The following KATNAL1 variants were observed in gnomAD, a reference collection of about 807,000 sequenced individuals.
KATNAL1 encodes katanin catalytic subunit A1 like 1, also known as katanin p60 ATPase-containing subunit A-like 1.
A neutral mutation model predicts 55.2 loss-of-function variants in KATNAL1; 32 were observed. The observed-to-expected ratio is 0.58, with a 90% CI of 0.44 to 0.78. KATNAL1 has a LOEUF of 0.78. Among genes scored for constraint, KATNAL1 ranks in the 30% least tolerant of loss-of-function variants. The probability of loss-of-function intolerance (pLI) is 0.00; values close to 1 mark genes in which losing one functional copy is unlikely to be tolerated. For synonymous variants in KATNAL1, 193 were observed against 193.6 expected (o/e 1.00, Z 0.02); for missense variants, 466 against 600.9 (o/e 0.78, Z 2.35).
At chr13:30,250,864 C>A (rs148520013) in intron 4 of KATNAL1, among the ~76,000 whole-genome samples, 1 of 152,198 alleles carries the variant, frequency 6.6e-6, no homozygotes, top group African/African-American at 2.4e-5. Flanking sequence ...CTTGGCTGGG[C>A]GCAGTGGTTC....
intron 3 of KATNAL1, among the ~76,000 whole-genome samples, chr13:30,256,905 T>C (rs577154049): frequency 6.6e-6 from 1 of 152,306 alleles, no homozygotes; most frequent in Non-Finnish European, 1.5e-5. Context: ...AGGTGGTATA[T>C]GGCCTCTACC....
chr13:30,280,130 CAG>C lies in KATNAL1; in HGVS notation c.254_255del (p.Pro85ArgfsTer6), dbSNP rs751037510. ...SFKIDKPPDF[P>X]VSCQDEPFRD... ...CTAAATGGTTCATCTTGACAGGACACAGGGAAATCTGGAGGCTTGTCAATTTT... is the reference window on the plus strand; with the variant it reads ...CTAAATGGTTCATCTTGACAGGACACGGAAATCTGGAGGCTTGTCAATTTT... On this transcript the variant is annotated frameshift_variant, in exon 3 of 11. Coordinates refer to ENST00000380615, the MANE Select transcript of KATNAL1 (RefSeq NM_032116.5). LOFTEE classifies it high-confidence loss of function. 6.2e-7 allele frequency: 1 copy of C among 1,613,422 alleles called. No homozygotes were observed. The highest frequency in any genetic ancestry group is 8.5e-7 in the Non-Finnish European group (1 of 1,179,742).
chr13:30,263,139 T>C (rs1234524465), intron 3 of KATNAL1, among the ~76,000 whole-genome samples: 2 of 152,108 alleles, frequency 1.3e-5, no homozygotes, highest in Admixed American at 1.3e-4. Context: ...TCTCAATAGA[T>C]GCAGAAAAGG....
chr13:30,292,437 C>A (rs554369753), intron 1 of KATNAL1, among the ~76,000 whole-genome samples: 33 of 152,126 alleles, frequency 2.2e-4, no homozygotes, highest in African/African-American at 7.2e-4. Context: ...CCATGTAACA[C>A]CTGCAAAGGA....
At chr13:30,280,298 A>G (rs1881184966) in intron 2 of KATNAL1, 75 bp from the exon 3 acceptor site, 4 of 1,170,944 alleles carry the variant, frequency 3.4e-6, no homozygotes, top group Non-Finnish European at 4.6e-6. Context: ...AAATTACTAT[A>G]GAGTGCACGT....
intron 3 of KATNAL1, among the ~76,000 whole-genome samples, chr13:30,272,024 T>G (rs1304743732): frequency 6.6e-6 from 1 of 152,210 alleles, no homozygotes; most frequent in Non-Finnish European, 1.5e-5. Flanking sequence ...ATTTTCATTA[T>G]TAAGTGAGGA....
intron 3 of KATNAL1, among the ~76,000 whole-genome samples, chr13:30,261,727 G>C (rs1040708889): frequency 4.3e-4 from 65 of 152,194 alleles, no homozygotes; most frequent in African/African-American, 1.6e-3. Flanking sequence ...CAAGTCCTGA[G>C]TGACCTACAA....
intron 9 of KATNAL1, 63 bp downstream of exon 9, chr13:30,227,347 GAT>G (rs1232997459): frequency 1.2e-5 from 18 of 1,506,152 alleles, no homozygotes; most frequent in Non-Finnish European, 1.6e-5. Context: ...ATGGAATAAA[GAT>G]TTAGATACAT....
At chr13:30,274,667 A>T (rs971670102) in intron 3 of KATNAL1, among the ~76,000 whole-genome samples, 1 of 152,182 alleles carries the variant, frequency 6.6e-6, no homozygotes, top group African/African-American at 2.4e-5. Flanking sequence ...CAGTATGGAG[A>T]GTCCTCAAAA....
chr13:30,275,115 G>A (rs1880746432), intron 3 of KATNAL1, among the ~76,000 whole-genome samples: 1 of 152,098 alleles, frequency 6.6e-6, no homozygotes. Context: ...AATACCTGAG[G>A]ATGGGTAATT....
At chr13:30,228,748 T>C (rs1875771098) in intron 8 of KATNAL1, among the ~76,000 whole-genome samples, 1 of 151,998 alleles carries the variant, frequency 6.6e-6, no homozygotes, top group Non-Finnish European at 1.5e-5. Context: ...ATATTGTTGG[T>C]GTTTTGTTGT....
intron 6 of KATNAL1, among the ~76,000 whole-genome samples, chr13:30,239,867 G>A (rs529081139): frequency 3.3e-5 from 5 of 151,896 alleles, no homozygotes; most frequent in South Asian, 4.2e-4. Context: ...TGTATTTTTC[G>A]TAAAGATGAG....
intron 3 of KATNAL1, among the ~76,000 whole-genome samples, chr13:30,263,348 T>C (rs1447246046): frequency 1.3e-5 from 2 of 151,774 alleles, no homozygotes; most frequent in Admixed American, 1.3e-4. Flanking sequence ...CTATTCAACA[T>C]AGTGTTGGAA....
intron 3 of KATNAL1, among the ~76,000 whole-genome samples, chr13:30,265,468 T>C (rs1330514551): frequency 2.0e-5 from 3 of 150,962 alleles, no homozygotes; most frequent in Non-Finnish European, 4.4e-5. Context: ...CATTCAGAAA[T>C]ATATTGAGCA....
At chr13:30,233,728 T>C (rs944426257) in intron 6 of KATNAL1, among the ~76,000 whole-genome samples, 1 of 151,580 alleles carries the variant, frequency 6.6e-6, no homozygotes, top group Non-Finnish European at 1.5e-5. Flanking sequence ...AAAAAGAAAA[T>C]GTGGTATATA....
intron 9 of KATNAL1, among the ~76,000 whole-genome samples, chr13:30,215,435 A>G (rs1177613239): frequency 6.6e-6 from 1 of 152,342 alleles, no homozygotes; most frequent in East Asian, 1.9e-4. Flanking sequence ...GTATATACCC[A>G]AAGGACTATA....
chr13:30,265,750 C>T (rs1232714425), intron 3 of KATNAL1, among the ~76,000 whole-genome samples: 1 of 150,714 alleles, frequency 6.6e-6, no homozygotes, highest in Non-Finnish European at 1.5e-5. Flanking sequence ...GTGGCTCACA[C>T]CTGTAATCCC....
chr13:30,215,524 C>T (rs2137353533), intron 9 of KATNAL1, among the ~76,000 whole-genome samples: 1 of 152,192 alleles, frequency 6.6e-6, no homozygotes, highest in Admixed American at 6.5e-5. Flanking sequence ...TGGAACCAAC[C>T]CAAATGTCCA....
chr13:30,274,953 A>ACACACT (rs71192640), intron 3 of KATNAL1, among the ~76,000 whole-genome samples: 1 of 144,574 alleles, frequency 6.9e-6, no homozygotes, highest in Non-Finnish European at 1.5e-5. Context: ...ACACACACAC[A>ACACACT]GGAATATTAT....
Sources: allele counts gnomAD v4.1 joint callset (sites outside exome capture counted in the v4.1 genomes callset), GRCh38; gene constraint gnomAD v4.1.1; transcripts MANE v1.5; gene names NCBI Gene and HGNC (gene_info 2026-07-23, HGNC 2026-07-21).